Variants in CAMTA1 observed in about 807,000 individuals in gnomAD.
The protein encoded by CAMTA1 is calmodulin binding transcription activator 1.
Under a neutral mutation model 170.9 loss-of-function variants are expected in CAMTA1, and 27 were observed. The ratio of observed to expected loss-of-function variants is 0.16; its 90% CI spans 0.12 to 0.22. The LOEUF (loss-of-function observed/expected upper bound fraction) is 0.22. Ranked by LOEUF, CAMTA1 falls within the 10% of genes least tolerant of loss-of-function variation. The pLI is 1.00. For missense variants in CAMTA1, 1,619 were observed against 2,217.2 expected (o/e 0.73, Z 5.42); for synonymous variants, 833 against 891.5 (o/e 0.93, Z 1.17).
chr1:7,735,768 T>TTTG (rs1035257592), intron 12 of CAMTA1, among the ~76,000 whole-genome samples: 2 of 151,998 alleles, frequency 1.3e-5, no homozygotes, highest in African/African-American at 4.8e-5. Context: ...GTTTGGGTTT[T>TTTG]TTGTTGTTGT....
At chr1:7,074,929 G>A (rs75529323) in intron 3 of CAMTA1, among the ~76,000 whole-genome samples, 6,599 of 152,276 alleles carry the variant, frequency 0.043, 484 homozygotes, top group African/African-American at 0.15. Flanking sequence ...TGGTGAGCTG[G>A]CATGCAGTCA....
chr1:6,898,517 TAC>T (rs1676149645), intron 3 of CAMTA1, among the ~76,000 whole-genome samples: 2 of 152,288 alleles, frequency 1.3e-5, no homozygotes, highest in South Asian at 4.1e-4. Context: ...CGCACCACTA[TAC>T]TCCAGCCTGG....
At chr1:7,320,780 G>A (rs937501845) in intron 5 of CAMTA1, among the ~76,000 whole-genome samples, 1 of 150,248 alleles carries the variant, frequency 6.7e-6, no homozygotes, top group Non-Finnish European at 1.5e-5. Context: ...TGTACCAACT[G>A]TCAAGAAGGC....
rs116522265 is a variant in CAMTA1 at position 7,171,711 on chromosome 1, T to C, written c.303-77780T>C. ...CGCAGTCACTGCTACCTAATTCCAA[T>C]GTGCTTTCATCTTCCCAAAGTGAAA... On this transcript the variant is annotated intron_variant, in intron 4 of 22. Transcript: ENST00000303635. Among the ~76,000 whole-genome samples the C allele has an allele frequency of 4.6e-3, 706 of 152,318 alleles. 5 individuals are homozygous for C. Among genetic ancestry groups the C allele is most frequent in the African/African-American group, 0.016 (656 of 41,564 alleles).
intron 3 of CAMTA1, among the ~76,000 whole-genome samples, chr1:6,962,929 C>A (rs2149531645): frequency 6.6e-6 from 1 of 150,768 alleles, no homozygotes; most frequent in Admixed American, 6.6e-5. Flanking sequence ...TCCTCTGGAC[C>A]CACCCCTCTT....
intron 3 of CAMTA1, among the ~76,000 whole-genome samples, chr1:6,850,140 G>C (rs984921466): frequency 1.3e-5 from 2 of 151,786 alleles, no homozygotes; most frequent in African/African-American, 4.8e-5. Flanking sequence ...AAAAATATTA[G>C]GAGAAAACGT....
At chr1:7,452,481 C>A (rs977193759) in intron 5 of CAMTA1, among the ~76,000 whole-genome samples, 4 of 152,366 alleles carry the variant, frequency 2.6e-5, no homozygotes, top group African/African-American at 4.8e-5. Context: ...AAAACACTTT[C>A]ATCACCCCAA....
At chr1:7,070,661 C>T (rs1455172175) in intron 3 of CAMTA1, among the ~76,000 whole-genome samples, 1 of 152,198 alleles carries the variant, frequency 6.6e-6, no homozygotes, top group Non-Finnish European at 1.5e-5. Context: ...GGCCCTGAAC[C>T]CAGGTCTTCC....
At chr1:6,968,764 A>T (rs999617532) in intron 3 of CAMTA1, among the ~76,000 whole-genome samples, 2 of 142,844 alleles carry the variant, frequency 1.4e-5, no homozygotes, top group African/African-American at 5.3e-5. Flanking sequence ...GGATAGAGAG[A>T]GTGGAGGTGG....
In CAMTA1 at chr1:7,724,664, A is replaced by G. The variant is rs567050621; in HGVS notation, c.2915-7784A>G. Reference sequence around the variant, plus strand: ...TGGCTAACATGGTGAAACTCCATCAATACAAAAAATTAGCCAGGTGTGGTG... The same window carrying G: ...TGGCTAACATGGTGAAACTCCATCAGTACAAAAAATTAGCCAGGTGTGGTG... On this transcript the variant is annotated intron_variant, in intron 11 of 22. Coordinates refer to ENST00000303635, the MANE Select transcript of CAMTA1 (RefSeq NM_015215.4). Among the ~76,000 whole-genome samples the G allele has an allele frequency of 8.8e-4, 134 of 152,100 alleles. 1 individual carries two copies. The highest frequency in any genetic ancestry group is 2.9e-3 in the African/African-American group (121 of 41,488).
rs1644976716 is a variant in CAMTA1 at position 7,127,065 on chromosome 1, G to T, written c.302+35694G>T. Reference sequence around the variant, plus strand: ...ATTACAGGCATGAGCCACTGTGCCGGGTCCAGGACTGCCACTTCTTTGTAG... The same window carrying T: ...ATTACAGGCATGAGCCACTGTGCCGTGTCCAGGACTGCCACTTCTTTGTAG... On this transcript the variant is annotated intron_variant, in intron 4 of 22. Transcript: ENST00000303635. Among the ~76,000 whole-genome samples, 5 of 151,996 alleles carry T rather than the reference G, an allele frequency of 3.3e-5. No homozygotes were observed. In the South Asian group the frequency reaches 1.0e-3, roughly 32 times the overall value.
chr1:7,024,423 A>C (rs1215311285), intron 3 of CAMTA1, among the ~76,000 whole-genome samples: 1 of 152,192 alleles, frequency 6.6e-6, no homozygotes, highest in African/African-American at 2.4e-5. Flanking sequence ...TAAATATAAA[A>C]TGGGGAAAAT....
chr1:6,996,311 T>A (rs1283003209), intron 3 of CAMTA1, among the ~76,000 whole-genome samples: 5 of 152,238 alleles, frequency 3.3e-5, no homozygotes, highest in Admixed American at 3.3e-4. Flanking sequence ...GGGATTCTGT[T>A]ACGCTATTCA....
At chr1:7,329,896 T>C (rs1313205815) in intron 5 of CAMTA1, among the ~76,000 whole-genome samples, 1 of 152,012 alleles carries the variant, frequency 6.6e-6, no homozygotes, top group Non-Finnish European at 1.5e-5. Context: ...CTGGCAAAAA[T>C]ACACATGATA....
chr1:6,845,737 C>T lies in CAMTA1; in HGVS notation c.234+20527C>T, dbSNP rs540421326. Reference sequence around the variant, plus strand: ...ACTGCTATTCTTTGGAAAGCTAGAGCGTAGTAACTAAGATCTGTTTGTTAA... The same window carrying T: ...ACTGCTATTCTTTGGAAAGCTAGAGTGTAGTAACTAAGATCTGTTTGTTAA... On this transcript the variant is annotated intron_variant, in intron 3 of 22. Coordinates refer to ENST00000303635, the MANE Select transcript of CAMTA1 (RefSeq NM_015215.4). Among the ~76,000 whole-genome samples, 6 of 152,298 alleles carry T rather than the reference C, an allele frequency of 3.9e-5. No homozygotes were observed. The South Asian group carries it at 1.0e-3, about 26-fold the overall frequency.
In CAMTA1 at chr1:7,664,302, C is replaced by T; in HGVS notation, c.1755C>T (p.Asp585=). The T allele has an allele frequency of 6.2e-7, 1 of 1,613,186 alleles. No homozygotes were observed. Among genetic ancestry groups the T allele is most frequent in the Non-Finnish European group, 8.5e-7 (1 of 1,180,000 alleles). The change falls in exon 9 of 23, where the codon GAC becomes GAT. Residue 585 remains aspartate (D), a synonymous_variant. Coordinates refer to ENST00000303635, the MANE Select transcript of CAMTA1 (RefSeq NM_015215.4). Reference sequence around the variant, plus strand: ...CCAGCACCACCCTGGAGCAGATGGACTTCAGCGCCATCGACTCCAACAAGG... The same window carrying T: ...CCAGCACCACCCTGGAGCAGATGGATTTCAGCGCCATCGACTCCAACAAGG... ...LSPSTTLEQM[D]FSAIDSNKDY...
At chr1:7,043,471 C>T (rs1451988694) in intron 3 of CAMTA1, among the ~76,000 whole-genome samples, 3 of 152,144 alleles carry the variant, frequency 2.0e-5, no homozygotes, top group Non-Finnish European at 4.4e-5. Context: ...TGCATGATGT[C>T]GGGTGCTTAA....
In CAMTA1 at chr1:7,146,871, T is replaced by C. The variant is rs901250224; in HGVS notation, c.302+55500T>C. On this transcript the variant is annotated intron_variant, in intron 4 of 22. Coordinates refer to ENST00000303635, the MANE Select transcript of CAMTA1 (RefSeq NM_015215.4). This position sits in a 1 kb window ranked among gnomAD's most constrained non-coding sequence, Gnocchi z 4.3. ...CACACAAACACAAAGACACAACATGTACACAGACACTCAAACATATGCCGT... is the reference window on the plus strand; with the variant it reads ...CACACAAACACAAAGACACAACATGCACACAGACACTCAAACATATGCCGT... Among the ~76,000 whole-genome samples the C allele has an allele frequency of 1.3e-5, 2 of 150,028 alleles. No individual in the cohort carries two copies. The highest frequency in any genetic ancestry group is 2.5e-5 in the African/African-American group (1 of 40,548).
chr1:6,817,500 T>C (rs1645967489), intron 1 of CAMTA1, among the ~76,000 whole-genome samples: 1 of 152,224 alleles, frequency 6.6e-6, no homozygotes, highest in Non-Finnish European at 1.5e-5. Context: ...TCCTAAGGTA[T>C]GATGATTCCA....
Sources: allele counts gnomAD v4.1 joint callset (sites outside exome capture counted in the v4.1 genomes callset), GRCh38; gene constraint gnomAD v4.1.1; non-coding constraint Gnocchi (gnomAD v3.1); transcripts MANE v1.5; gene names NCBI Gene and HGNC (gene_info 2026-07-23, HGNC 2026-07-21).